ZNF644: variants seen among roughly 807,000 people sequenced by gnomAD.
The protein encoded by ZNF644 is zinc finger motif enhancer binding protein 2.
Under a neutral mutation model 108.0 loss-of-function variants are expected in ZNF644, and 20 were observed. The ratio of observed to expected loss-of-function variants is 0.19; its 90% CI spans 0.13 to 0.27. The LOEUF (loss-of-function observed/expected upper bound fraction) is 0.27. Among genes scored for constraint, ZNF644 ranks in the 10% least tolerant of loss-of-function variants. The pLI is 1.00. For synonymous variants in ZNF644, 542 were observed against 539.1 expected (o/e 1.01, Z -0.08); for missense variants, 1,338 against 1,548.9 (o/e 0.86, Z 2.29).
At chr1:91,014,568 A>G (rs1026942640) in intron 1 of ZNF644, among the ~76,000 whole-genome samples, 4 of 152,192 alleles carry the variant, frequency 2.6e-5, no homozygotes, top group Admixed American at 2.6e-4. Context: ...ACCTGTAGCA[A>G]TCCAAATCCC....
intron 2 of ZNF644, among the ~76,000 whole-genome samples, chr1:90,946,173 T>C (rs1411732283): frequency 6.6e-6 from 1 of 152,074 alleles, no homozygotes; most frequent in Non-Finnish European, 1.5e-5. Context: ...TTTAAACCTA[T>C]ATATACCATA....
chr1:90,986,610 T>C (rs1325478681), intron 1 of ZNF644, among the ~76,000 whole-genome samples: 2 of 152,038 alleles, frequency 1.3e-5, no homozygotes, highest in African/African-American at 4.8e-5. Flanking sequence ...CTGAAATTTG[T>C]TGTAAATCTA....
chr1:91,009,262 C>T (rs182928193), intron 1 of ZNF644, among the ~76,000 whole-genome samples: 2 of 152,136 alleles, frequency 1.3e-5, no homozygotes, highest in South Asian at 2.1e-4. Context: ...TATACTAAAA[C>T]GTGGTATCTT....
chr1:90,923,375 T>C (rs1393737340), intron 4 of ZNF644, among the ~76,000 whole-genome samples: 2 of 151,836 alleles, frequency 1.3e-5, no homozygotes, highest in African/African-American at 4.8e-5. Context: ...CTGAGAAAAA[T>C]TGTTAAATCC....
At chr1:90,997,940 C>T (rs916966845) in intron 1 of ZNF644, among the ~76,000 whole-genome samples, 43 of 152,190 alleles carry the variant, frequency 2.8e-4, no homozygotes, top group Non-Finnish European at 4.0e-4. Context: ...CATGGAGCCT[C>T]GCTCATTGCT....
intron 4 of ZNF644, among the ~76,000 whole-genome samples, chr1:90,922,818 A>G (rs1035036869): frequency 6.6e-5 from 10 of 152,032 alleles, no homozygotes; most frequent in Admixed American, 2.0e-4. Context: ...GCCCCTACTT[A>G]TAAGTGAAAA....
chr1:90,920,754 A>C (rs1649338286), intron 4 of ZNF644, among the ~76,000 whole-genome samples: 1 of 152,072 alleles, frequency 6.6e-6, no homozygotes, highest in Admixed American at 6.6e-5. Context: ...CCAGGGCTCC[A>C]AAGTTAAGGT....
In ZNF644 at chr1:90,990,650, G is replaced by A. The variant is rs558961956; in HGVS notation, c.-17-8280C>T. On this transcript the variant is annotated intron_variant, in intron 1 of 5. Transcript: ENST00000337393. ...ACTGAAGAGAAGATAATTCCACAAA[G>A]AACGCCCTCAAGTATCTAGCTACAT... Among the ~76,000 whole-genome samples, 3 of 152,264 alleles carry A rather than the reference G, an allele frequency of 2.0e-5. No individual in the cohort carries two copies. In the South Asian group the frequency reaches 6.2e-4, roughly 32 times the overall value.
intron 4 of ZNF644, chr1:90,918,469 G>T: frequency 1.3e-5 from 3 of 238,822 alleles, no homozygotes; most frequent in South Asian, 7.6e-5. Flanking sequence ...GTACTAAATT[G>T]GTCAATTATT....
intron 1 of ZNF644, among the ~76,000 whole-genome samples, chr1:90,995,739 T>C (rs1415040282): frequency 1.3e-5 from 2 of 152,186 alleles, no homozygotes; most frequent in Non-Finnish European, 2.9e-5. Flanking sequence ...TCCAATGATA[T>C]TATCCTTCAA....
intron 1 of ZNF644, among the ~76,000 whole-genome samples, chr1:90,997,223 T>C (rs536348939): frequency 2.0e-5 from 3 of 152,162 alleles, no homozygotes; most frequent in Non-Finnish European, 4.4e-5. Flanking sequence ...CCTGAGGCTC[T>C]ACACAAGCAG....
At chr1:90,957,661 T>A (rs1477367565) in intron 2 of ZNF644, among the ~76,000 whole-genome samples, 1 of 152,056 alleles carries the variant, frequency 6.6e-6, no homozygotes, top group Non-Finnish European at 1.5e-5. Flanking sequence ...TAAAAACCCA[T>A]AACAAACATC....
At chr1:90,918,708 T>G (rs138600070) in intron 4 of ZNF644, among the ~76,000 whole-genome samples, 2 of 152,262 alleles carry the variant, frequency 1.3e-5, no homozygotes, top group Non-Finnish European at 2.9e-5. Context: ...CACCATGAAT[T>G]TTATAATAAA....
chr1:90,985,819 G>A (rs1203071251), intron 1 of ZNF644, among the ~76,000 whole-genome samples: 1 of 152,106 alleles, frequency 6.6e-6, no homozygotes, highest in Non-Finnish European at 1.5e-5. Context: ...TGTATAACCA[G>A]ACGTGGGACT....
chr1:90,958,437 A>G (rs1653987032), intron 2 of ZNF644, among the ~76,000 whole-genome samples: 1 of 152,006 alleles, frequency 6.6e-6, no homozygotes, highest in African/African-American at 2.4e-5. Context: ...ATCCCTATCA[A>G]AATTCTAAAG....
Position 90,937,477 on chromosome 1 carries a change from C to A in ZNF644, c.3688+8G>T, listed in dbSNP as rs1651448183. On this transcript the variant is annotated splice_region_variant and intron_variant, in intron 4 of 5. Coordinates refer to ENST00000337393, the MANE Select transcript of ZNF644 (RefSeq NM_201269.3). ...CTGTGTATAGCATAGTCATAAACGT[C>A]CTCTTACCTGAGTGCATAGTCAAGT... 3 of 1,613,588 alleles carry A rather than the reference C, an allele frequency of 1.9e-6. No individual in the cohort carries two copies. In the East Asian group the frequency reaches 6.7e-5, roughly 36 times the overall value.
At chr1:91,003,592 T>C (rs966149269) in intron 1 of ZNF644, among the ~76,000 whole-genome samples, 4 of 151,422 alleles carry the variant, frequency 2.6e-5, no homozygotes, top group African/African-American at 4.9e-5. Flanking sequence ...AATGATGAGT[T>C]AATAGGTGCA....
rs573929449 is a variant in ZNF644 at position 90,973,947 on chromosome 1, A to AT, written c.44+8362dup. ...GGAAGGTCTCTCTTCTGACTTTCTCATTTTTTTCTCCCCTGAAGTAAGCCA... is the reference window on the plus strand; with the variant it reads ...GGAAGGTCTCTCTTCTGACTTTCTCATTTTTTTTCTCCCCTGAAGTAAGCCA... On this transcript the variant is annotated intron_variant, in intron 2 of 5. Coordinates refer to ENST00000337393, the MANE Select transcript of ZNF644 (RefSeq NM_201269.3). Among the ~76,000 whole-genome samples, 29 of 152,084 alleles carry AT rather than the reference A, an allele frequency of 1.9e-4. No homozygotes were observed. In the South Asian group the frequency reaches 5.6e-3, roughly 30 times the overall value.
intron 2 of ZNF644, among the ~76,000 whole-genome samples, chr1:90,974,970 C>G (rs1439698834): frequency 6.6e-6 from 1 of 152,142 alleles, no homozygotes; most frequent in Non-Finnish European, 1.5e-5. Context: ...CAGCAATCTT[C>G]CCTTTCTGTT....
Sources: allele counts gnomAD v4.1 joint callset (sites outside exome capture counted in the v4.1 genomes callset), GRCh38; gene constraint gnomAD v4.1.1; transcripts MANE v1.5; gene names NCBI Gene and HGNC (gene_info 2026-07-23, HGNC 2026-07-21).